Variants in PITPNM2 observed in about 807,000 individuals in gnomAD.
PITPNM2 encodes the protein phosphatidylinositol transfer protein membrane associated 2, also known as membrane-associated phosphatidylinositol transfer protein 2.
PITPNM2 carries 35 observed loss-of-function variants against 132.2 expected under a neutral mutation model. The observed-to-expected ratio is 0.26, with a 90% confidence interval of 0.20 to 0.35. PITPNM2 has a LOEUF of 0.35. Among genes scored for constraint, PITPNM2 ranks in the 10% least tolerant of loss-of-function variants. The pLI is 1.00. For missense variants in PITPNM2, 1,332 were observed against 1,912.0 expected (o/e 0.70, Z 5.66); for synonymous variants, 738 against 799.2 (o/e 0.92, Z 1.29).
intron 3 of PITPNM2, among the ~76,000 whole-genome samples, chr12:123,028,338 G>C (rs557707627): frequency 6.6e-6 from 1 of 152,300 alleles, no homozygotes; most frequent in South Asian, 2.1e-4. Flanking sequence ...ACCTTCCAGC[G>C]GGGCAGCTTG....
chr12:123,068,498 T>TAAATAAAA lies in PITPNM2; in HGVS notation c.-95-33814_-95-33813insTTTTATTT, dbSNP rs1555294231. ...ATAAATAAATAAATAAATAAATAAA[T>TAAATAAAA]AAAAATAATCCTTGGGCACACCAGC... On this transcript the variant is annotated intron_variant, in intron 2 of 25. Transcript: ENST00000320201. Among the ~76,000 whole-genome samples, 48 of 124,202 alleles carry TAAATAAAA rather than the reference T, an allele frequency of 3.9e-4. 1 individual carries two copies. Among genetic ancestry groups the TAAATAAAA allele is most frequent in the African/African-American group, 1.5e-3 (44 of 28,700 alleles). The allele number at this position is 124,202 out of a possible 152,430, so 81.5% of individuals were successfully genotyped here.
At chr12:123,037,318 T>C (rs772906195) in intron 2 of PITPNM2, among the ~76,000 whole-genome samples, 6 of 152,154 alleles carry the variant, frequency 3.9e-5, no homozygotes, top group Non-Finnish European at 7.4e-5. Flanking sequence ...GAAATTAGGG[T>C]TGGAGACGGG....
chr12:122,996,358 C>T (rs2038424093), intron 13 of PITPNM2, 100 bp downstream of exon 13: 5 of 1,503,250 alleles, frequency 3.3e-6, no homozygotes, highest in Admixed American at 4.1e-5. Flanking sequence ...GCTTGGTGGA[C>T]ACAGCCTGGG....
chr12:123,039,246 A>G lies in PITPNM2; in HGVS notation c.-95-4561T>C, dbSNP rs143225885. On this transcript the variant is annotated intron_variant, in intron 2 of 25. Coordinates refer to ENST00000320201, the MANE Select transcript of PITPNM2 (RefSeq NM_020845.3). Reference sequence around the variant, plus strand: ...TGCACTCCAGCCTGAATCACAGAGCAAGGCCCTGTCTCAAAAATAAATAAA... The same window carrying G: ...TGCACTCCAGCCTGAATCACAGAGCGAGGCCCTGTCTCAAAAATAAATAAA... Among the ~76,000 whole-genome samples the G allele has an allele frequency of 9.5e-3, 1,452 of 152,260 alleles. 24 individuals carry two copies. The highest frequency in any genetic ancestry group is 0.033 in the African/African-American group (1,363 of 41,542).
chr12:123,093,761 G>A (rs1351236372), intron 2 of PITPNM2, among the ~76,000 whole-genome samples: 1 of 152,242 alleles, frequency 6.6e-6, no homozygotes, highest in Non-Finnish European at 1.5e-5. Context: ...GCTCTTCCAT[G>A]GCTTTAATAC....
chr12:123,125,864 G>GTTTTTTTTTTT (rs373787897), intron 1 of PITPNM2, among the ~76,000 whole-genome samples: 1 of 64,842 alleles, frequency 1.5e-5, no homozygotes. Flanking sequence ...AAAAATTAGG[G>GTTTTTTTTTTT]TTTTTTTTTT....
At chr12:123,007,503 C>A in intron 6 of PITPNM2, 1 of 426,542 alleles carries the variant, frequency 2.3e-6, no homozygotes, top group Admixed American at 2.6e-5. Flanking sequence ...AGCAGTTGGG[C>A]CACGCCAGGC....
At chr12:123,054,753 C>G (rs2040965433) in intron 2 of PITPNM2, among the ~76,000 whole-genome samples, 1 of 152,230 alleles carries the variant, frequency 6.6e-6, no homozygotes, top group Non-Finnish European at 1.5e-5. Context: ...CAAACCCTTT[C>G]CTCCTGAAGG....
At position 122,988,742 on chromosome 12, in the gene PITPNM2, G is replaced by C. The variant is rs1231303110; in HGVS notation, c.2862C>G (p.Val954=). 4 of 1,565,580 alleles carry C rather than the reference G, an allele frequency of 2.6e-6. No homozygotes were observed. The African/African-American group carries it at 5.4e-5, about 21-fold the overall frequency. Residue 954 remains valine (V), a synonymous_variant, in exon 19 of 26, where the codon GTC becomes GTG. Transcript: ENST00000320201. The part of the protein sequence containing the change: ...HASYWESTDV[V]SFLLRQVMRH... Reference sequence around the variant, plus strand: ...CGGGTACCTGTCTCAGCAGAAAGGAGACCACGTCTGTTGACTCCCAGTAGC... The same window carrying C: ...CGGGTACCTGTCTCAGCAGAAAGGACACCACGTCTGTTGACTCCCAGTAGC...
In PITPNM2 at chr12:122,994,499, C is replaced by T. The variant is rs1447075721; in HGVS notation, c.2233+302G>A. On this transcript the variant is annotated intron_variant, in intron 15 of 25. Coordinates refer to ENST00000320201, the MANE Select transcript of PITPNM2 (RefSeq NM_020845.3). This position sits in a 1 kb window ranked among gnomAD's most constrained non-coding sequence, Gnocchi z 5.4. ...CTTGGACCTGGGAGGCTGGGTCTGTCTCCATCTGACTCTGGGGTGGTGCCT... is the reference window on the plus strand; with the variant it reads ...CTTGGACCTGGGAGGCTGGGTCTGTTTCCATCTGACTCTGGGGTGGTGCCT... Among the ~76,000 whole-genome samples the T allele has an allele frequency of 6.6e-6, 1 of 152,190 alleles. No homozygotes were observed. The highest frequency in any genetic ancestry group is 1.5e-5 in the Non-Finnish European group (1 of 68,024).
In PITPNM2 at chr12:122,994,752, C is replaced by T; in HGVS notation, c.2233+49G>A. The T allele has an allele frequency of 1.3e-6, 2 of 1,561,820 alleles. No homozygotes were observed. The highest frequency in any genetic ancestry group is 1.7e-6 in the Non-Finnish European group (2 of 1,156,912). On this transcript the variant is annotated intron_variant, in intron 15 of 25. Coordinates refer to ENST00000320201, the MANE Select transcript of PITPNM2 (RefSeq NM_020845.3). The surrounding 1 kb of genome is among the most constrained non-coding windows in gnomAD (Gnocchi z 5.4). ...ACAGGGGTCCACTGAGACCCCCGCC[C>T]CCGCACCCAGTGCATGTACCCCCCA...
intron 3 of PITPNM2, among the ~76,000 whole-genome samples, chr12:123,025,898 C>T (rs2039847635): frequency 6.6e-6 from 1 of 152,162 alleles, no homozygotes; most frequent in South Asian, 2.1e-4. Flanking sequence ...AGCACTATTA[C>T]CCCCAAGTCA....
At chr12:123,046,049 A>G (rs2040643384) in intron 2 of PITPNM2, among the ~76,000 whole-genome samples, 2 of 152,178 alleles carry the variant, frequency 1.3e-5, no homozygotes, top group African/African-American at 4.8e-5. Flanking sequence ...CCACATTACA[A>G]CAGTCAACTC....
chr12:123,080,276 T>G (rs2041918496), intron 2 of PITPNM2, among the ~76,000 whole-genome samples: 1 of 152,038 alleles, frequency 6.6e-6, no homozygotes, highest in South Asian at 2.1e-4. Context: ...TGGAGTGCAG[T>G]GGTGTGATTA....
intron 3 of PITPNM2, 190 bp downstream of exon 3, chr12:123,034,323 C>G (rs1344268358): frequency 1.8e-6 from 1 of 562,974 alleles, no homozygotes; most frequent in Non-Finnish European, 3.1e-6. Flanking sequence ...ATGCCGTGCG[C>G]CCATGGTGTG....
intron 1 of PITPNM2, among the ~76,000 whole-genome samples, chr12:123,118,225 C>T (rs890665301): frequency 1.3e-5 from 2 of 152,218 alleles, no homozygotes; most frequent in African/African-American, 4.8e-5. Flanking sequence ...GAGGTCTAAT[C>T]TTAGCCTTCT....
rs913060553 is a variant in PITPNM2, at chr12:123,005,914, G to A, written c.644-366C>T. On this transcript the variant is annotated intron_variant, in intron 6 of 25. Transcript: ENST00000320201. The surrounding 1 kb of genome is among the most constrained non-coding windows in gnomAD (Gnocchi z 6.2). ...AGGGTTTGAGATCAGCCTGGGCAACGAAACAAGACCCTGTCTCTATAAAAA... is the reference window on the plus strand; with the variant it reads ...AGGGTTTGAGATCAGCCTGGGCAACAAAACAAGACCCTGTCTCTATAAAAA... 6.1e-4 allele frequency: 127 copies of A among 207,204 alleles called. No homozygotes were observed. Among genetic ancestry groups the A allele is most frequent in the Non-Finnish European group, 1.0e-3 (110 of 106,998 alleles). The allele number at this position is 207,204 out of a possible 1,614,324, so 12.8% of individuals were successfully genotyped here.
rs1340165213 is a variant in PITPNM2 at position 122,990,711 on chromosome 12, T to G, written c.2405-2A>C. ...CATTGTGGGTCTGGAGCACATCCGC[T>G]GCAGGTGGACAGGGACCAGAGGCCA... On this transcript the variant is annotated splice_acceptor_variant, in intron 16 of 25. Transcript: ENST00000320201. LOFTEE classifies it high-confidence loss of function. 6.2e-7 allele frequency: 1 copy of G among 1,600,022 alleles called. No homozygotes were observed. Among genetic ancestry groups the G allele is most frequent in the Non-Finnish European group, 8.5e-7 (1 of 1,173,164 alleles).
chr12:123,074,723 C>T (rs756646511), intron 2 of PITPNM2, among the ~76,000 whole-genome samples: 1 of 152,128 alleles, frequency 6.6e-6, no homozygotes, highest in Non-Finnish European at 1.5e-5. Flanking sequence ...TTTGGGCTGG[C>T]GGCCCTCAGA....
Sources: gnomAD v4.1 joint callset for allele counts (sites outside exome capture counted in the v4.1 genomes callset) on GRCh38, gnomAD v4.1.1 for gene constraint, Gnocchi (gnomAD v3.1) non-coding constraint, MANE v1.5 for transcripts, NCBI Gene and HGNC (gene_info 2026-07-23, HGNC 2026-07-21) for gene names.